TECPR2: variants seen among roughly 807,000 people sequenced by gnomAD.
TECPR2 encodes the protein tectonin beta-propeller repeat containing 2, also known as tectonin beta-propeller repeat-containing protein 2.
In TECPR2, 65 loss-of-function variants were observed where a neutral mutation model predicts 138.1. The ratio of observed to expected loss-of-function variants is 0.47; its 90% confidence interval spans 0.39 to 0.58. The LOEUF (loss-of-function observed/expected upper bound fraction) is 0.58, where lower values mean the gene tolerates loss of function less well. Ranked by LOEUF, TECPR2 falls within the 20% of genes least tolerant of loss-of-function variation. The pLI is 0.00. For synonymous variants in TECPR2, 746 were observed against 749.8 expected, an observed-to-expected ratio of 0.99 and a Z score of 0.08; for missense variants, 1,553 against 1,824.5, an observed-to-expected ratio of 0.85 and a Z score of 2.71.
intron 16 of TECPR2, among the ~76,000 whole-genome samples, chr14:102,454,630 C>T (rs1018430476): frequency 6.6e-6 from 1 of 152,220 alleles, no homozygotes; most frequent in African/African-American, 2.4e-5. Flanking sequence ...GAAAGCCTTT[C>T]ATTTGTTCAG....
intron 15 of TECPR2, among the ~76,000 whole-genome samples, chr14:102,451,008 T>C (rs1890126088): frequency 6.6e-6 from 1 of 152,238 alleles, no homozygotes; most frequent in African/African-American, 2.4e-5. Context: ...AGAATCCTTC[T>C]GTCACCTCCC....
intron 2 of TECPR2, among the ~76,000 whole-genome samples, chr14:102,400,861 G>A (rs532812700): frequency 1.7e-4 from 25 of 151,322 alleles, no homozygotes; most frequent in African/African-American, 6.1e-4. Flanking sequence ...GTGTAACCCC[G>A]TCTCTACTAA....
chr14:102,468,939 A>C (rs1161610584), intron 17 of TECPR2, among the ~76,000 whole-genome samples: 2 of 152,146 alleles, frequency 1.3e-5, no homozygotes, highest in African/African-American at 2.4e-5. Context: ...TTGCTACTGG[A>C]CTCTTAGTTA....
intron 17 of TECPR2, among the ~76,000 whole-genome samples, chr14:102,476,206 CAAAAAAA>C (rs58293049): frequency 5.0e-5 from 3 of 59,682 alleles, no homozygotes; most frequent in Non-Finnish European, 8.7e-5. Context: ...GACTCTGTCT[CAAAAAAA>C]AAAAAAAAAA....
At chr14:102,389,897 C>CT (rs1888119908) in intron 2 of TECPR2, among the ~76,000 whole-genome samples, 1 of 152,166 alleles carries the variant, frequency 6.6e-6, no homozygotes, top group South Asian at 2.1e-4. Context: ...AAGCAGATAT[C>CT]TTTGTTTAAC....
chr14:102,383,715 G>A (rs1309018236), intron 2 of TECPR2, among the ~76,000 whole-genome samples: 3 of 151,552 alleles, frequency 2.0e-5, no homozygotes, highest in Non-Finnish European at 4.4e-5. Flanking sequence ...GTCCCGTATT[G>A]TCTTTTAGAA....
intron 17 of TECPR2, among the ~76,000 whole-genome samples, chr14:102,476,609 C>T (rs904829038): frequency 2.0e-5 from 3 of 152,050 alleles, no homozygotes; most frequent in Non-Finnish European, 4.4e-5. Flanking sequence ...CTTCAAGTGG[C>T]CTCACGTAAA....
Position 102,440,608 on chromosome 14 carries a change from A to G in TECPR2, c.2751A>G (p.Thr917=). 2.5e-6 allele frequency: 4 copies of G among 1,612,862 alleles called. No individual in the cohort carries two copies. Among genetic ancestry groups the G allele is most frequent in the Non-Finnish European group, 3.4e-6 (4 of 1,179,316 alleles). ...CCAGTGGGGACCTATACTTGCAGAC[A>G]GGTAACCGCGGGCCACGCTTAGAGG... ...IRTSGDLYLQ[T]GLSVDRPCAR... is the part of the protein sequence containing the mutation. Residue 917 remains threonine, a splice_region_variant and synonymous_variant, in exon 11 of 20, where the codon ACA becomes ACG. Transcript: ENST00000359520.
intron 9 of TECPR2, among the ~76,000 whole-genome samples, chr14:102,435,972 G>T (rs74444164): frequency 6.6e-6 from 1 of 152,206 alleles, no homozygotes; most frequent in Non-Finnish European, 1.5e-5. Flanking sequence ...TTACAGCCAC[G>T]TGTGCTTTCC....
intron 2 of TECPR2, among the ~76,000 whole-genome samples, chr14:102,401,546 G>A (rs1015181688): frequency 1.3e-5 from 2 of 151,816 alleles, no homozygotes; most frequent in Middle Eastern, 3.2e-3. Flanking sequence ...TTGGGAGGCC[G>A]AGGCCAGCAG....
At position 102,497,951 on chromosome 14, in the gene TECPR2, G is replaced by C. The variant is rs528668619; in HGVS notation, c.4082-152G>C. 2.2e-5 allele frequency: 25 copies of C among 1,147,898 alleles called. No homozygotes were observed. In the South Asian group the frequency reaches 3.9e-4, roughly 18 times the overall value. The allele number at this position is 1,147,898 out of a possible 1,614,324, so 71.1% of individuals were successfully genotyped here. On this transcript the variant is annotated intron_variant, in intron 19 of 19. Coordinates refer to ENST00000359520, the MANE Select transcript of TECPR2 (RefSeq NM_014844.5). The stretch of plus-strand genomic sequence containing the variant: ...CTGTTGACATCCACTTACAGCTGAG[G>C]GTACGAAGTTCACATGGAGATGGTG...
intron 2 of TECPR2, among the ~76,000 whole-genome samples, chr14:102,404,103 T>C (rs1292342580): frequency 6.6e-6 from 1 of 151,314 alleles, no homozygotes; most frequent in East Asian, 1.9e-4. Flanking sequence ...GGGGTCTCAC[T>C]ATGTTGCTCA....
chr14:102,495,717 C>T (rs1454756726), intron 17 of TECPR2, among the ~76,000 whole-genome samples: 1 of 152,272 alleles, frequency 6.6e-6, no homozygotes, highest in Non-Finnish European at 1.5e-5. Flanking sequence ...CCTTGCTGCT[C>T]TGTCTCTCCA....
intron 17 of TECPR2, among the ~76,000 whole-genome samples, chr14:102,495,797 A>G (rs1024312228): frequency 6.6e-5 from 10 of 152,188 alleles, no homozygotes; most frequent in African/African-American, 2.4e-4. Context: ...CACGGGAGGC[A>G]TTTCATACAT....
chr14:102,416,387 C>T (rs1889024844), intron 5 of TECPR2, among the ~76,000 whole-genome samples: 1 of 152,184 alleles, frequency 6.6e-6, no homozygotes, highest in Admixed American at 6.5e-5. Context: ...TCCCAAAGTG[C>T]TGGGATTACA....
intron 2 of TECPR2, among the ~76,000 whole-genome samples, chr14:102,406,894 C>T (rs1888673483): frequency 6.6e-6 from 1 of 152,174 alleles, no homozygotes; most frequent in South Asian, 2.1e-4. Flanking sequence ...GAGTCTTGCT[C>T]TGTCGCCCAG....
At chr14:102,430,492 G>A (rs1358783526) in intron 7 of TECPR2, among the ~76,000 whole-genome samples, 1 of 152,172 alleles carries the variant, frequency 6.6e-6, no homozygotes, top group Admixed American at 6.5e-5. Context: ...GGTGCTTCAA[G>A]GGCAGGAATT....
chr14:102,452,111 C>T (rs1386446108), intron 15 of TECPR2, among the ~76,000 whole-genome samples: 1 of 152,232 alleles, frequency 6.6e-6, no homozygotes, highest in African/African-American at 2.4e-5. Flanking sequence ...GTCAAAGCCA[C>T]TAAGCCAACA....
At chr14:102,411,344 G>C (rs945378074) in intron 4 of TECPR2, among the ~76,000 whole-genome samples, 9 of 152,214 alleles carry the variant, frequency 5.9e-5, no homozygotes, top group East Asian at 1.9e-4. Flanking sequence ...TTCCACGTAC[G>C]TATACGCCCA....
Sources: allele counts gnomAD v4.1 joint callset (sites outside exome capture counted in the v4.1 genomes callset), GRCh38; gene constraint gnomAD v4.1.1; transcripts MANE v1.5; gene names NCBI Gene and HGNC (gene_info 2026-07-23, HGNC 2026-07-21).